The following RGS12 variants were observed in gnomAD, a reference collection of about 807,000 sequenced individuals.
RGS12 encodes the protein regulator of G protein signaling 12.
In RGS12, 66 loss-of-function variants were observed where a neutral mutation model predicts 120.1. That is an observed-to-expected ratio of 0.55 (90% CI 0.45 to 0.67). The LOEUF is 0.67. RGS12 is among the 30% of genes least tolerant of loss of function. RGS12 has a pLI of 0.00. For synonymous variants in RGS12, 827 were observed against 804.7 expected (o/e 1.03, Z -0.47); for missense variants, 1,859 against 1,957.7 (o/e 0.95, Z 0.95).
At chr4:3,413,913 T>C (rs1222433305) in intron 4 of RGS12, 159 bp from the exon 5 acceptor site, 2 of 686,826 alleles carry the variant, frequency 2.9e-6, no homozygotes, top group African/African-American at 1.8e-5. Flanking sequence ...TAGAATGCAC[T>C]GGCAGGTGGT....
intron 2 of RGS12, among the ~76,000 whole-genome samples, chr4:3,331,502 G>A (rs112577780): frequency 0.013 from 1,926 of 152,258 alleles, 21 homozygotes; most frequent in Non-Finnish European, 0.021. Flanking sequence ...TACTTACATG[G>A]TGTAGCCAAT....
intron 2 of RGS12, among the ~76,000 whole-genome samples, chr4:3,333,134 C>T (rs554135314): frequency 5.9e-5 from 9 of 152,016 alleles, no homozygotes; most frequent in African/African-American, 1.9e-4. Context: ...CTGCAGGCTC[C>T]GTCCCCCAGG....
chr4:3,376,418 T>C (rs1388695377), intron 3 of RGS12, among the ~76,000 whole-genome samples: 1 of 152,176 alleles, frequency 6.6e-6, no homozygotes, highest in African/African-American at 2.4e-5. Flanking sequence ...GAGGGCACCA[T>C]GCTGAGGAGT....
intron 17 of RGS12, chr4:3,432,198 C>G: frequency 1.0e-6 from 1 of 978,380 alleles, no homozygotes; most frequent in African/African-American, 1.7e-5. Context: ...ACTTTTCTTT[C>G]TCATTTGAAA....
chr4:3,430,777 C>G lies in RGS12; in HGVS notation c.3936C>G (p.Gly1312=), dbSNP rs760497033. 1.2e-6 allele frequency: 2 copies of G among 1,611,282 alleles called. No homozygotes were observed. Among genetic ancestry groups the G allele is most frequent in the Non-Finnish European group, 1.7e-6 (2 of 1,179,168 alleles). Residue 1312 remains glycine, a synonymous_variant, in exon 17 of 18, where the codon GGC becomes GGG. Coordinates refer to ENST00000336727, the MANE Select transcript of RGS12 (RefSeq NM_001394154.1). ...CCCCCGTCTCCCTCGCGCAGGAGGG[C>G]ACCGCCCAGATCTGGAAGAGGCAGT... is the stretch of plus-strand genomic sequence containing the variant. ...PQSPVSLAQE[G]TAQIWKRQSQ...
rs80021173 is a variant in RGS12 at position 3,423,094 on chromosome 4, G to C, written c.3107+116G>C. The C allele has an allele frequency of 4.1e-6, 3 of 731,734 alleles. No individual in the cohort carries two copies. In the African/African-American group the frequency reaches 5.4e-5, roughly 13 times the overall value. The allele number at this position is 731,734 out of a possible 1,614,324, so 45.3% of individuals were successfully genotyped here. The stretch of plus-strand genomic sequence containing the variant: ...CTGTGGATGCTCCATGCTGGGCTAC[G>C]ATGGGGTGTCGGGGCGGGGGGAGGG... On this transcript the variant is annotated intron_variant, in intron 12 of 17. Transcript: ENST00000336727.
intron 3 of RGS12, among the ~76,000 whole-genome samples, chr4:3,343,535 G>A (rs767789721): frequency 1.3e-5 from 2 of 152,022 alleles, no homozygotes; most frequent in East Asian, 3.9e-4. Flanking sequence ...TTAAAAATGC[G>A]CCGTCGGGAT....
chr4:3,332,127 A>G (rs1228594065), intron 2 of RGS12, among the ~76,000 whole-genome samples: 2 of 152,136 alleles, frequency 1.3e-5, no homozygotes, highest in Non-Finnish European at 2.9e-5. Context: ...AGGATCCCTG[A>G]GCAAAGGGGC....
At chr4:3,370,447 T>C in intron 3 of RGS12, 1 of 942,794 alleles carries the variant, frequency 1.1e-6, no homozygotes, top group Non-Finnish European at 1.7e-6. Flanking sequence ...GCTTTGGAAA[T>C]GGTTTTCATG....
At chr4:3,418,745 T>C (rs1722681859) in intron 9 of RGS12, 1 of 152,154 alleles carries the variant, frequency 6.6e-6, no homozygotes, top group Admixed American at 6.5e-5. Context: ...TTCACCTTTG[T>C]CGGAGGCCAC....
chr4:3,343,593 G>A (rs192504087), intron 3 of RGS12, among the ~76,000 whole-genome samples: 3 of 152,220 alleles, frequency 2.0e-5, no homozygotes, highest in Admixed American at 6.5e-5. Context: ...TGACAGGCCA[G>A]TGTAGACATA....
At chr4:3,299,240 C>A (rs1009013167) in intron 1 of RGS12, among the ~76,000 whole-genome samples, 1 of 152,034 alleles carries the variant, frequency 6.6e-6, no homozygotes, top group Non-Finnish European at 1.5e-5. Context: ...AGGACCTAGG[C>A]AGAATTTACT....
intron 2 of RGS12, among the ~76,000 whole-genome samples, chr4:3,323,266 G>C (rs1371431248): frequency 1.3e-5 from 2 of 152,204 alleles, no homozygotes; most frequent in African/African-American, 4.8e-5. Flanking sequence ...GTGTTGGTGG[G>C]TGCTCATCAT....
chr4:3,292,644 C>T (rs556663988), upstream of RGS12, among the ~76,000 whole-genome samples: 1 of 152,332 alleles, frequency 6.6e-6, no homozygotes, highest in African/African-American at 2.4e-5. Flanking sequence ...GCCACACCGA[C>T]CTGCCCTTCG....
At chr4:3,439,217 C>T (rs1014350553) in intron 17 of RGS12, among the ~76,000 whole-genome samples, 10 of 152,050 alleles carry the variant, frequency 6.6e-5, no homozygotes, top group Non-Finnish European at 1.2e-4. Flanking sequence ...AGTGGGTCGG[C>T]TCCCCCACTT....
intron 17 of RGS12, among the ~76,000 whole-genome samples, chr4:3,438,823 G>A (rs1034825688): frequency 6.6e-6 from 1 of 152,156 alleles, no homozygotes; most frequent in Non-Finnish European, 1.5e-5. Flanking sequence ...CTGACCAGCC[G>A]GAAAGAGGGG....
rs1467615859 is a variant in RGS12, at chr4:3,372,986, C to T, written c.1999-13430C>T. Among the ~76,000 whole-genome samples, 1 of 152,152 alleles carries T rather than the reference C, an allele frequency of 6.6e-6. No individual in the cohort carries two copies. Among genetic ancestry groups the T allele is most frequent in the African/African-American group, 2.4e-5 (1 of 41,442 alleles). Reference sequence around the variant, plus strand: ...CTGAGGAAGGGCAGGAGGGAGGAGGCGTGGGAGCTGGTGCAGTCTGCGGCC... The same window carrying T: ...CTGAGGAAGGGCAGGAGGGAGGAGGTGTGGGAGCTGGTGCAGTCTGCGGCC... On this transcript the variant is annotated intron_variant, in intron 3 of 17. Coordinates refer to ENST00000336727, the MANE Select transcript of RGS12 (RefSeq NM_001394154.1). This position sits in a 1 kb window ranked among gnomAD's most constrained non-coding sequence, Gnocchi z 4.3.
rs766571855 is a variant in RGS12 at position 3,416,879 on chromosome 4, C to T, written c.2428-34C>T. 125 of 1,564,894 alleles carry T rather than the reference C, an allele frequency of 8.0e-5. No homozygotes were observed. The Middle Eastern group carries it at 8.5e-4, about 11-fold the overall frequency. On this transcript the variant is annotated intron_variant, in intron 7 of 17. Coordinates refer to ENST00000336727, the MANE Select transcript of RGS12 (RefSeq NM_001394154.1). ...CCTGAGGCTGCATGTCTGGGTCCCTCCTGTGACTGTCCCACCTTACATCTT... is the reference window on the plus strand; with the variant it reads ...CCTGAGGCTGCATGTCTGGGTCCCTTCTGTGACTGTCCCACCTTACATCTT...
intron 2 of RGS12, among the ~76,000 whole-genome samples, chr4:3,335,038 A>G (rs987361188): frequency 8.5e-5 from 13 of 152,192 alleles, no homozygotes; most frequent in Non-Finnish European, 1.9e-4. Flanking sequence ...TGAAGAAATT[A>G]TGTGCTTTGT....
Sources: allele counts gnomAD v4.1 joint callset (sites outside exome capture counted in the v4.1 genomes callset), GRCh38; gene constraint gnomAD v4.1.1; non-coding constraint Gnocchi (gnomAD v3.1); transcripts MANE v1.5; gene names NCBI Gene and HGNC (gene_info 2026-07-23, HGNC 2026-07-21).